Variants in HSPBAP1 observed in about 807,000 individuals in gnomAD.
The protein encoded by HSPBAP1 is HSPB1 associated protein 1.
Under a neutral mutation model 45.2 loss-of-function variants are expected in HSPBAP1, and 27 were observed. The observed-to-expected ratio is 0.60, with a 90% CI of 0.44 to 0.82. HSPBAP1 has a LOEUF of 0.82. HSPBAP1 is among the 40% of genes least tolerant of loss of function. The probability of loss-of-function intolerance (pLI) is 0.00; values close to 1 mark genes in which losing one functional copy is unlikely to be tolerated. For synonymous variants in HSPBAP1, 204 were observed against 202.7 expected (o/e 1.01, Z -0.06); for missense variants, 510 against 590.9 (o/e 0.86, Z 1.42).
intron 3 of HSPBAP1, among the ~76,000 whole-genome samples, chr3:122,759,788 T>C (rs1457014234): frequency 1.3e-5 from 2 of 152,216 alleles, no homozygotes; most frequent in African/African-American, 2.4e-5. Context: ...TTATTTCAAA[T>C]ATCTCTGAGA....
intron 5 of HSPBAP1, chr3:122,753,006 T>G (rs1417371684): frequency 5.4e-5 from 56 of 1,029,994 alleles, no homozygotes; most frequent in Non-Finnish European, 6.5e-5. Flanking sequence ...TTGCGTGCAT[T>G]CTGAGAAAGG....
intron 1 of HSPBAP1, among the ~76,000 whole-genome samples, chr3:122,786,738 A>G (rs968757151): frequency 2.0e-5 from 3 of 152,242 alleles, no homozygotes; most frequent in African/African-American, 7.2e-5. Flanking sequence ...GAATGAGAGC[A>G]CTATGAAGTG....
At chr3:122,755,732 C>T (rs1934331008) in intron 4 of HSPBAP1, among the ~76,000 whole-genome samples, 1 of 151,830 alleles carries the variant, frequency 6.6e-6, no homozygotes, top group South Asian at 2.1e-4. Context: ...TTTCTTATCT[C>T]AAATCAAAGT....
At chr3:122,740,927 G>A in intron 7 of HSPBAP1, 52 bp from the exon 8 acceptor site, 1 of 1,606,226 alleles carries the variant, frequency 6.2e-7, no homozygotes, top group Non-Finnish European at 8.5e-7. Context: ...TAGTTACACT[G>A]GAAAACATAT....
intron 4 of HSPBAP1, among the ~76,000 whole-genome samples, chr3:122,758,058 C>T (rs1934422036): frequency 6.6e-6 from 1 of 152,240 alleles, no homozygotes; most frequent in Non-Finnish European, 1.5e-5. Flanking sequence ...CAGAGTTCTT[C>T]ACATGTGAAA....
intron 4 of HSPBAP1, 73 bp from the exon 5 acceptor site, chr3:122,755,504 G>A (rs1300935211): frequency 8.9e-7 from 1 of 1,117,380 alleles, no homozygotes. Flanking sequence ...GAAGACAAAA[G>A]CTAAGTGTTC....
intron 6 of HSPBAP1, among the ~76,000 whole-genome samples, chr3:122,747,344 C>A (rs1215263763): frequency 1.3e-5 from 2 of 151,882 alleles, no homozygotes; most frequent in Non-Finnish European, 2.9e-5. Flanking sequence ...TCTGCCCGGC[C>A]GCCCCGTCTG....
At chr3:122,755,098 A>C in intron 5 of HSPBAP1, 162 bp downstream of exon 5, 1 of 1,231,512 alleles carries the variant, frequency 8.1e-7, no homozygotes, top group Non-Finnish European at 1.0e-6. Flanking sequence ...TATGTGTCTG[A>C]AGCCTACAAC....
intron 1 of HSPBAP1, among the ~76,000 whole-genome samples, chr3:122,785,293 A>T (rs1935616690): frequency 6.6e-6 from 1 of 152,158 alleles, no homozygotes; most frequent in African/African-American, 2.4e-5. Context: ...TTGCTTGGCC[A>T]AACTTTAGTC....
At chr3:122,791,393 C>T (rs991265379) in intron 1 of HSPBAP1, among the ~76,000 whole-genome samples, 1 of 152,230 alleles carries the variant, frequency 6.6e-6, no homozygotes, top group Non-Finnish European at 1.5e-5. Context: ...TCTCCTTTTG[C>T]CTCTGGACTT....
intron 6 of HSPBAP1, 28 bp downstream of exon 6, chr3:122,752,560 TAAA>T (rs56192340): frequency 2.5e-3 from 2,639 of 1,067,760 alleles, no homozygotes; most frequent in South Asian, 3.9e-3. Context: ...TGCACTTACT[TAAA>T]AAAAAAAAAA....
chr3:122,759,201 A>C, intron 4 of HSPBAP1, 23 bp downstream of exon 4: 2 of 1,598,108 alleles, frequency 1.3e-6, no homozygotes, highest in East Asian at 2.3e-5. Context: ...ACACACACAC[A>C]CACACACACA....
chr3:122,763,697 C>T (rs555435192), intron 3 of HSPBAP1, among the ~76,000 whole-genome samples: 2 of 152,296 alleles, frequency 1.3e-5, no homozygotes, highest in African/African-American at 4.8e-5. Flanking sequence ...ACTGTAATTA[C>T]TCTATTTTTT....
At chr3:122,755,844 T>G (rs1271666524) in intron 4 of HSPBAP1, among the ~76,000 whole-genome samples, 3 of 152,160 alleles carry the variant, frequency 2.0e-5, no homozygotes, top group Non-Finnish European at 2.9e-5. Context: ...GAGCAAACAC[T>G]CATAGTTCTA....
chr3:122,793,827 C>T lies in HSPBAP1; in HGVS notation c.-147G>A, dbSNP rs1438672403. ...CCCGGCTCCTACGGAAACGCCGGCT[C>T]TCACGTGGAGGTCACGTGACGGATG... On this transcript the variant is annotated 5_prime_UTR_variant, in exon 1 of 8. Coordinates refer to ENST00000306103, the MANE Select transcript of HSPBAP1 (RefSeq NM_024610.6). The T allele has an allele frequency of 1.8e-5, 12 of 663,986 alleles. No individual in the cohort carries two copies. Among genetic ancestry groups the T allele is most frequent in the Non-Finnish European group, 2.6e-6 (1 of 386,042 alleles). The allele number at this position is 663,986 out of a possible 1,614,324, so 41.1% of individuals were successfully genotyped here. A position where few individuals can be genotyped will look rare whatever the true frequency, so the allele number is the denominator to read the frequency against.
chr3:122,742,641 C>T (rs993929163), intron 6 of HSPBAP1, among the ~76,000 whole-genome samples: 2 of 152,200 alleles, frequency 1.3e-5, no homozygotes, highest in Admixed American at 6.5e-5. Context: ...TTAGCATTTA[C>T]AATCAACTGA....
At chr3:122,782,087 A>T (rs1935505793) in intron 1 of HSPBAP1, among the ~76,000 whole-genome samples, 2 of 152,188 alleles carry the variant, frequency 1.3e-5, no homozygotes, top group African/African-American at 4.8e-5. Context: ...ATTTTAAAAG[A>T]TGTGATTTTT....
intron 2 of HSPBAP1, among the ~76,000 whole-genome samples, chr3:122,773,656 G>A (rs1301585057): frequency 6.6e-6 from 1 of 151,894 alleles, no homozygotes; most frequent in African/African-American, 2.4e-5. Context: ...CATTTTTCAC[G>A]TAACAGGGCC....
intron 1 of HSPBAP1, among the ~76,000 whole-genome samples, chr3:122,784,688 A>G (rs1314915349): frequency 6.6e-6 from 1 of 152,208 alleles, no homozygotes; most frequent in Admixed American, 6.5e-5. Context: ...TAAGAGAATA[A>G]TATCAAAGGC....
Sources: allele counts gnomAD v4.1 joint callset (sites outside exome capture counted in the v4.1 genomes callset), GRCh38; gene constraint gnomAD v4.1.1; transcripts MANE v1.5; gene names NCBI Gene and HGNC (gene_info 2026-07-23, HGNC 2026-07-21).